The following ARRB1 variants were observed in gnomAD, a reference collection of about 807,000 sequenced individuals.
ARRB1 encodes arrestin beta 1, also known as beta-arrestin-1.
In ARRB1, 21 loss-of-function variants were observed where a neutral mutation model predicts 56.8. The ratio of observed to expected loss-of-function variants is 0.37; its 90% confidence interval spans 0.26 to 0.53. The LOEUF is 0.53. Ranked by LOEUF, ARRB1 falls within the 20% of genes least tolerant of loss-of-function variation. The pLI, the probability that ARRB1 is intolerant of heterozygous loss-of-function variation, is 0.88. For synonymous variants in ARRB1, 210 were observed against 218.6 expected (o/e 0.96, Z 0.35); for missense variants, 424 against 553.7 (o/e 0.77, Z 2.35).
rs778726709 is a variant in ARRB1, at chr11:75,271,692, G to A, written c.1022+9C>T. Reference sequence around the variant, plus strand: ...AGGTGGGTGAACCAGGTGGAAGGGAGGAATTTACCTGGATGCAAGATCTCC... The same window carrying A: ...AGGTGGGTGAACCAGGTGGAAGGGAAGAATTTACCTGGATGCAAGATCTCC... On this transcript the variant is annotated intron_variant, in intron 13 of 15. Transcript: ENST00000420843. 1.3e-5 allele frequency: 21 copies of A among 1,565,336 alleles called. No homozygotes were observed. In the East Asian group the frequency reaches 3.1e-4, roughly 23 times the overall value.
Position 75,290,041 on chromosome 11 carries a change from T to C in ARRB1, c.21-2A>G. The stretch of plus-strand genomic sequence containing the variant: ...TTTGGACTGGCCTTCTTGAACACTC[T>C]GTGGAGAGAAAGAGAGGTCAGGCCA... On this transcript the variant is annotated splice_acceptor_variant, in intron 1 of 15. Coordinates refer to ENST00000420843, the MANE Select transcript of ARRB1 (RefSeq NM_004041.5). LOFTEE classifies it high-confidence loss of function. 2 of 1,614,192 alleles carry C rather than the reference T, an allele frequency of 1.2e-6. No individual in the cohort carries two copies. Among genetic ancestry groups the C allele is most frequent in the Non-Finnish European group, 1.7e-6 (2 of 1,180,022 alleles).
rs1945757977 is a variant in ARRB1, at chr11:75,260,375, T to C, written c.*5788A>G. Reference sequence around the variant, plus strand: ...ACAACCCATGCAGGCCCCCATTCCATAGGAAGAGGCAGGTCCCACAGTGTC... The same window carrying C: ...ACAACCCATGCAGGCCCCCATTCCACAGGAAGAGGCAGGTCCCACAGTGTC... On this transcript the variant is annotated 3_prime_UTR_variant, in exon 16 of 16. Transcript: ENST00000420843. 6.6e-6 allele frequency: 1 copy of C among 152,124 alleles called. No homozygotes were observed. The highest frequency in any genetic ancestry group is 1.5e-5 in the Non-Finnish European group (1 of 68,046). The allele number at this position is 152,124 out of a possible 1,614,324, so 9.4% of individuals were successfully genotyped here.
At chr11:75,295,042 G>A (rs965457687) in intron 1 of ARRB1, among the ~76,000 whole-genome samples, 3 of 151,798 alleles carry the variant, frequency 2.0e-5, no homozygotes, top group African/African-American at 7.3e-5. Flanking sequence ...TGGGCAACAT[G>A]GTGAAACCCC....
At chr11:75,336,677 T>C (rs1194594830) in intron 1 of ARRB1, among the ~76,000 whole-genome samples, 2 of 152,170 alleles carry the variant, frequency 1.3e-5, no homozygotes, top group South Asian at 2.1e-4. Context: ...GCCTGGTCCC[T>C]GGGCTGGGTG....
intron 1 of ARRB1, among the ~76,000 whole-genome samples, chr11:75,306,115 G>A (rs1947022266): frequency 6.6e-6 from 1 of 152,062 alleles, no homozygotes; most frequent in African/African-American, 2.4e-5. Flanking sequence ...CAGTCCCGCT[G>A]GAGGCCCTGG....
chr11:75,344,575 C>T (rs1179971684), intron 1 of ARRB1, among the ~76,000 whole-genome samples: 2 of 152,118 alleles, frequency 1.3e-5, no homozygotes, highest in East Asian at 3.9e-4. Context: ...AGGGAACAAA[C>T]CTAGCAGAGG....
In ARRB1 at chr11:75,287,399, C is replaced by T. The variant is rs765538416; in HGVS notation, c.52-24G>A. The T allele has an allele frequency of 2.4e-5, 38 of 1,554,314 alleles. No homozygotes were observed. The African/African-American group carries it at 3.6e-4, about 15-fold the overall frequency. ...AGCTGAGGAGGAGAGGCATAGGGGG[C>T]GTTAGCAGCTGCAGGCCCAGAGGAC... On this transcript the variant is annotated intron_variant, in intron 2 of 15. Coordinates refer to ENST00000420843, the MANE Select transcript of ARRB1 (RefSeq NM_004041.5).
intron 1 of ARRB1, among the ~76,000 whole-genome samples, chr11:75,329,701 AATC>A (rs1361950114): frequency 6.6e-6 from 1 of 152,120 alleles, no homozygotes; most frequent in Middle Eastern, 3.2e-3. Context: ...CAGTCACAAT[AATC>A]ACTACTGGCT....
chr11:75,336,396 T>G (rs1947603492), intron 1 of ARRB1, among the ~76,000 whole-genome samples: 1 of 152,070 alleles, frequency 6.6e-6, no homozygotes. Flanking sequence ...ACTGTCCACA[T>G]GCTAGGCCTT....
At chr11:75,323,978 C>T (rs995078808) in intron 1 of ARRB1, among the ~76,000 whole-genome samples, 14 of 151,690 alleles carry the variant, frequency 9.2e-5, no homozygotes, top group South Asian at 4.2e-4. Context: ...GAAAAAAAAA[C>T]GTATTCAAAA....
chr11:75,263,491 A>G lies in ARRB1; in HGVS notation c.*2672T>C, dbSNP rs1251263160. Among the ~76,000 whole-genome samples the G allele has an allele frequency of 1.3e-5, 2 of 151,820 alleles. No individual in the cohort carries two copies. The highest frequency in any genetic ancestry group is 4.8e-5 in the African/African-American group (2 of 41,316). On this transcript the variant is annotated 3_prime_UTR_variant, in exon 16 of 16. Transcript: ENST00000420843. Reference sequence around the variant, plus strand: ...AGTGTAGGTCTGAATCCACCTGGAAAGGGCACCGTCTTCTAATTCACATCA... The same window carrying G: ...AGTGTAGGTCTGAATCCACCTGGAAGGGGCACCGTCTTCTAATTCACATCA...
intron 11 of ARRB1, 72 bp downstream of exon 11, chr11:75,274,002 G>T (rs1256761485): frequency 6.2e-7 from 1 of 1,603,380 alleles, no homozygotes; most frequent in Non-Finnish European, 8.5e-7. Context: ...TTGAACTGGG[G>T]GGACCAAGGA....
chr11:75,309,804 G>C (rs890530044), intron 1 of ARRB1, among the ~76,000 whole-genome samples: 21 of 152,164 alleles, frequency 1.4e-4, no homozygotes, highest in Non-Finnish European at 2.8e-4. Context: ...TTGCAGATAA[G>C]GTGGGCACAG....
chr11:75,340,218 G>T (rs563910429), intron 1 of ARRB1, among the ~76,000 whole-genome samples: 4 of 152,384 alleles, frequency 2.6e-5, no homozygotes, highest in African/African-American at 7.2e-5. Flanking sequence ...TCAGGACGAG[G>T]CCTGTTTCCT....
intron 2 of ARRB1, among the ~76,000 whole-genome samples, chr11:75,288,976 G>A (rs35013219): frequency 6.7e-4 from 102 of 152,286 alleles, no homozygotes; most frequent in African/African-American, 2.3e-3. Context: ...TGACAAATGG[G>A]TTTCATTCCA....
At chr11:75,315,021 C>A (rs79883382) in intron 1 of ARRB1, among the ~76,000 whole-genome samples, 4 of 152,190 alleles carry the variant, frequency 2.6e-5, no homozygotes, top group Non-Finnish European at 4.4e-5. Flanking sequence ...GGCCTGCACT[C>A]GGGACGCCTG....
chr11:75,309,753 T>G (rs539932883), intron 1 of ARRB1, among the ~76,000 whole-genome samples: 2 of 152,248 alleles, frequency 1.3e-5, no homozygotes, highest in Admixed American at 6.5e-5. Flanking sequence ...TTGAGCATTT[T>G]AAATAAATGC....
At chr11:75,311,382 G>A (rs1040521235) in intron 1 of ARRB1, among the ~76,000 whole-genome samples, 10 of 152,154 alleles carry the variant, frequency 6.6e-5, no homozygotes, top group African/African-American at 2.4e-4. Flanking sequence ...CAGCAATTCC[G>A]AGAAAGGAGC....
At chr11:75,351,246 G>A (rs1334210758) in intron 1 of ARRB1, among the ~76,000 whole-genome samples, 1 of 152,214 alleles carries the variant, frequency 6.6e-6, no homozygotes, top group Non-Finnish European at 1.5e-5. Flanking sequence ...CAGTGTGTGC[G>A]CCAGCATGCC....
Sources: gnomAD v4.1 joint callset for allele counts (sites outside exome capture counted in the v4.1 genomes callset) on GRCh38, gnomAD v4.1.1 for gene constraint, MANE v1.5 for transcripts, NCBI Gene and HGNC (gene_info 2026-07-23, HGNC 2026-07-21) for gene names.